Variants in ANTXR1 observed in about 807,000 individuals in gnomAD.
The protein encoded by ANTXR1 is anthrax toxin receptor 1.
A neutral mutation model predicts 78.1 loss-of-function variants in ANTXR1; 19 were observed. The ratio of observed to expected loss-of-function variants is 0.24; its 90% CI spans 0.17 to 0.36. ANTXR1 has a LOEUF of 0.36. Among genes scored for constraint, ANTXR1 ranks in the 10% least tolerant of loss-of-function variants. The pLI, the probability that ANTXR1 is intolerant of heterozygous loss-of-function variation, is 1.00. For synonymous variants in ANTXR1, 273 were observed against 260.5 expected (o/e 1.05, Z -0.46); for missense variants, 518 against 718.6 (o/e 0.72, Z 3.19).
chr2:69,170,109 G>A, intron 13 of ANTXR1, 139 bp from the exon 14 acceptor site: 2 of 838,698 alleles, frequency 2.4e-6, no homozygotes, highest in Non-Finnish European at 4.0e-6. Context: ...ACCTCTCATG[G>A]CAGTGATTAA....
At position 69,118,657 on chromosome 2, in the gene ANTXR1, C is replaced by T. The variant is rs141247918; in HGVS notation, c.803-4360C>T. ...CCTCGGCTGTCCTAGGAGTGGATCG[C>T]GGCCCCACATATGTCACGACACCAC... On this transcript the variant is annotated intron_variant, in intron 10 of 17. Coordinates refer to ENST00000303714, the MANE Select transcript of ANTXR1 (RefSeq NM_032208.3). 2.8e-4 allele frequency among the ~76,000 whole-genome samples: 42 copies of T among 152,218 alleles called. No homozygotes were observed. The East Asian group carries it at 7.8e-3, about 28-fold the overall frequency.
intron 10 of ANTXR1, among the ~76,000 whole-genome samples, chr2:69,104,831 C>T (rs1671751247): frequency 6.6e-6 from 1 of 152,158 alleles, no homozygotes; most frequent in South Asian, 2.1e-4. Flanking sequence ...CGCCTGTAAT[C>T]CCAGCACTTT....
intron 17 of ANTXR1, among the ~76,000 whole-genome samples, chr2:69,230,524 T>C (rs895767862): frequency 3.3e-5 from 5 of 152,154 alleles, no homozygotes; most frequent in African/African-American, 1.2e-4. Context: ...TATCTTACTG[T>C]GTTTCCTCTG....
intron 17 of ANTXR1, among the ~76,000 whole-genome samples, chr2:69,226,218 A>C (rs968810830): frequency 1.3e-5 from 2 of 152,200 alleles, no homozygotes; most frequent in African/African-American, 4.8e-5. Flanking sequence ...CTTACTAAGC[A>C]TGAGGTCACC....
intron 9 of ANTXR1, among the ~76,000 whole-genome samples, chr2:69,099,009 G>C (rs1671522566): frequency 9.3e-6 from 1 of 107,976 alleles, no homozygotes; most frequent in Non-Finnish European, 2.0e-5. Flanking sequence ...CAATTCAGTG[G>C]TTTTTAATGT....
Position 69,154,488 on chromosome 2 carries a change from G to T in ANTXR1, c.1047+2224G>T, listed in dbSNP as rs148725607. ...TTTCCTAAACAGTATACTCAGGAAT[G>T]AAGGCAAACATGGGCCTCCCATCAG... On this transcript the variant is annotated intron_variant, in intron 13 of 17. Transcript: ENST00000303714. 2.1e-3 allele frequency among the ~76,000 whole-genome samples: 318 copies of T among 152,328 alleles called. 4 individuals are homozygous for T. The highest frequency in any genetic ancestry group is 0.015 in the Admixed American group (223 of 15,302).
chr2:69,132,817 T>G (rs889089425), intron 12 of ANTXR1, among the ~76,000 whole-genome samples: 5 of 152,236 alleles, frequency 3.3e-5, no homozygotes, highest in African/African-American at 1.2e-4. Flanking sequence ...CAACGTGTTT[T>G]AAATCTATAC....
chr2:69,059,806 G>T (rs574011293), intron 3 of ANTXR1, among the ~76,000 whole-genome samples: 138 of 152,226 alleles, frequency 9.1e-4, no homozygotes, highest in Non-Finnish European at 1.7e-3. Context: ...GTCTGGGACA[G>T]AACCCACAAT....
At chr2:69,213,360 T>C (rs1380448843) in intron 17 of ANTXR1, among the ~76,000 whole-genome samples, 2 of 152,210 alleles carry the variant, frequency 1.3e-5, no homozygotes, top group African/African-American at 4.8e-5. Flanking sequence ...AGATGGCCAG[T>C]TGCCTGAGAT....
At chr2:69,026,412 T>C (rs1671346703) in intron 1 of ANTXR1, among the ~76,000 whole-genome samples, 1 of 152,226 alleles carries the variant, frequency 6.6e-6, no homozygotes, top group African/African-American at 2.4e-5. Context: ...CAGAACAGCG[T>C]TGGCCACACT....
At chr2:69,106,020 TAA>T (rs1176114362) in intron 10 of ANTXR1, among the ~76,000 whole-genome samples, 4 of 152,242 alleles carry the variant, frequency 2.6e-5, no homozygotes, top group African/African-American at 7.2e-5. Flanking sequence ...AAACTTAATT[TAA>T]AAGTTAGAGA....
At chr2:69,158,172 T>C (rs1435749727) in intron 13 of ANTXR1, among the ~76,000 whole-genome samples, 6 of 152,240 alleles carry the variant, frequency 3.9e-5, no homozygotes, top group Non-Finnish European at 7.3e-5. Flanking sequence ...TCAAAGCTGC[T>C]GCTCAGTGTA....
At chr2:69,215,171 T>G (rs1675145468) in intron 17 of ANTXR1, among the ~76,000 whole-genome samples, 1 of 152,176 alleles carries the variant, frequency 6.6e-6, no homozygotes, top group South Asian at 2.1e-4. Flanking sequence ...TTCCAAGCTC[T>G]CCAAGTAGCC....
chr2:69,188,170 C>A (rs1474315575), intron 16 of ANTXR1, among the ~76,000 whole-genome samples: 1 of 151,770 alleles, frequency 6.6e-6, no homozygotes, highest in Non-Finnish European at 1.5e-5. Context: ...TGCAGTGGTG[C>A]GATCATATAG....
At chr2:69,037,562 C>T (rs755322845) in intron 1 of ANTXR1, among the ~76,000 whole-genome samples, 2 of 152,222 alleles carry the variant, frequency 1.3e-5, no homozygotes, top group East Asian at 1.9e-4. Flanking sequence ...CTCAGCCTCC[C>T]GGGTTCAAGT....
intron 9 of ANTXR1, among the ~76,000 whole-genome samples, chr2:69,095,656 A>G (rs1177466724): frequency 6.6e-6 from 1 of 152,204 alleles, no homozygotes; most frequent in Non-Finnish European, 1.5e-5. Flanking sequence ...ATTTTGGCTT[A>G]CCACATGCAA....
At chr2:69,148,815 G>A (rs567258597) in intron 12 of ANTXR1, among the ~76,000 whole-genome samples, 1 of 152,280 alleles carries the variant, frequency 6.6e-6, no homozygotes, top group Non-Finnish European at 1.5e-5. Context: ...TGAGTAACAC[G>A]TTGACCACTG....
At chr2:69,095,981 G>A (rs973742336) in intron 9 of ANTXR1, among the ~76,000 whole-genome samples, 5 of 152,022 alleles carry the variant, frequency 3.3e-5, no homozygotes, top group Admixed American at 2.0e-4. Context: ...AATTCCAGCC[G>A]GGCACGGTGG....
rs761370116 is a variant in ANTXR1, at chr2:69,248,658, A to C, written c.*3173A>C. 6.6e-6 allele frequency: 1 copy of C among 152,216 alleles called. No individual in the cohort carries two copies. The highest frequency in any genetic ancestry group is 1.5e-5 in the Non-Finnish European group (1 of 68,034). 9.4% of individuals were successfully genotyped at this position (152,216 alleles called of 1,614,324 possible). A position where few individuals can be genotyped will look rare whatever the true frequency, so the allele number is the denominator to read the frequency against. On this transcript the variant is annotated 3_prime_UTR_variant, in exon 18 of 18. Coordinates refer to ENST00000303714, the MANE Select transcript of ANTXR1 (RefSeq NM_032208.3). ...TCAGAATGGGCAGAGATGATCTTGA[A>C]GTGTCACATACACTAAAGTCCAAAC...
Sources: gnomAD v4.1 joint callset for allele counts (sites outside exome capture counted in the v4.1 genomes callset) on GRCh38, gnomAD v4.1.1 for gene constraint, MANE v1.5 for transcripts, NCBI Gene and HGNC (gene_info 2026-07-23, HGNC 2026-07-21) for gene names.